Variants in CELF2 observed in about 807,000 individuals in gnomAD.
CELF2 encodes the protein CUG triplet repeat RNA-binding protein 2.
CELF2 carries 8 observed loss-of-function variants against 62.6 expected under a neutral mutation model. That is an observed-to-expected ratio of 0.13 (90% CI 0.07 to 0.23). The LOEUF is 0.23. Ranked by LOEUF, CELF2 falls within the 10% of genes least tolerant of loss-of-function variation. The pLI is 1.00. For synonymous variants in CELF2, 258 were observed against 250.0 expected, an observed-to-expected ratio of 1.03 and a Z score of -0.30; for missense variants, 333 against 671.0, an observed-to-expected ratio of 0.50 and a Z score of 5.56.
the CELF2 span, among the ~76,000 whole-genome samples, chr10:10,605,349 A>T: frequency 1.9e-3 from 283 of 152,322 alleles, 1 homozygote; most frequent in African/African-American, 6.5e-3. Flanking sequence ...TGATGGGTTG[A>T]TATGTGCAGC....
chr10:10,604,789 A>G, the CELF2 span, among the ~76,000 whole-genome samples: 3 of 152,254 alleles, frequency 2.0e-5, no homozygotes, highest in Non-Finnish European at 2.9e-5. Flanking sequence ...CTTAATCCTT[A>G]TATGAAAATT....
chr10:10,704,232 C>T, the CELF2 span, among the ~76,000 whole-genome samples: 1 of 152,148 alleles, frequency 6.6e-6, no homozygotes, highest in Admixed American at 6.5e-5. Context: ...GAAGTTTTAT[C>T]ATAGACTGTT....
At chr10:10,594,091 A>G in the CELF2 span, among the ~76,000 whole-genome samples, 16 of 152,236 alleles carry the variant, frequency 1.1e-4, no homozygotes, top group African/African-American at 3.6e-4. Flanking sequence ...GAGATGATAA[A>G]GACCTGAAAT....
the CELF2 span, among the ~76,000 whole-genome samples, chr10:10,506,929 T>C: frequency 6.6e-6 from 1 of 151,974 alleles, no homozygotes; most frequent in Non-Finnish European, 1.5e-5. Context: ...CCTCCCAAAG[T>C]GCTGAGATTA....
chr10:10,822,115 T>C (rs2057012847), intron 1 of CELF2, among the ~76,000 whole-genome samples: 1 of 152,208 alleles, frequency 6.6e-6, no homozygotes, highest in Non-Finnish European at 1.5e-5. Context: ...AGGTACCACG[T>C]TGTGCTGTGG....
chr10:10,689,990 T>C, the CELF2 span, among the ~76,000 whole-genome samples: 30 of 152,322 alleles, frequency 2.0e-4, no homozygotes, highest in African/African-American at 5.3e-4. Flanking sequence ...TTTCAGAATA[T>C]ACAAGATTGA....
chr10:11,149,597 G>A (rs552083081), intron 1 of CELF2, among the ~76,000 whole-genome samples: 2 of 152,252 alleles, frequency 1.3e-5, no homozygotes, highest in South Asian at 2.1e-4. Flanking sequence ...TGAGGGTGGC[G>A]TCAGGACACA....
chr10:11,226,489 G>A (rs910507019), intron 3 of CELF2, among the ~76,000 whole-genome samples: 4 of 152,182 alleles, frequency 2.6e-5, no homozygotes, highest in African/African-American at 7.2e-5. Flanking sequence ...CCTGCAGCTC[G>A]TCATAGATGT....
chr10:10,929,573 T>C (rs890490223), intron 2 of CELF2: 1 of 152,204 alleles, frequency 6.6e-6, no homozygotes, highest in African/African-American at 2.4e-5. Context: ...CTCCGGCTTG[T>C]GTTAAAAATC....
intron 1 of CELF2, among the ~76,000 whole-genome samples, chr10:10,856,396 C>G (rs1197192643): frequency 6.6e-6 from 1 of 151,996 alleles, no homozygotes; most frequent in Non-Finnish European, 1.5e-5. Context: ...TATGAAGATC[C>G]TCAAATAAAA....
intron 1 of CELF2, among the ~76,000 whole-genome samples, chr10:11,019,899 G>A (rs1203389772): frequency 6.6e-6 from 1 of 152,140 alleles, no homozygotes; most frequent in Non-Finnish European, 1.5e-5. Context: ...GAGGGTCCAG[G>A]CTAAACTGAA....
chr10:10,642,417 C>A, the CELF2 span, among the ~76,000 whole-genome samples: 1 of 152,034 alleles, frequency 6.6e-6, no homozygotes, highest in Non-Finnish European at 1.5e-5. Flanking sequence ...TGGTTGCCTG[C>A]ATTAAACAGT....
the CELF2 span, among the ~76,000 whole-genome samples, chr10:10,513,194 C>A: frequency 1.3e-5 from 2 of 152,046 alleles, no homozygotes; most frequent in Non-Finnish European, 2.9e-5. Context: ...GATTTTTGCC[C>A]CTTTTTTGTT....
At position 11,302,551 on chromosome 10, in the gene CELF2, C is replaced by T. The variant is rs929270247; in HGVS notation, c.977-11588C>T. On this transcript the variant is annotated intron_variant, in intron 9 of 12. Coordinates refer to ENST00000633077, the MANE Select transcript of CELF2 (RefSeq NM_001326342.2). The surrounding 1 kb of genome is among the most constrained non-coding windows in gnomAD (Gnocchi z 5.0). ...CAGACAAGAACTCTGACCAAATGGC[C>T]TGCAGAGCATCCGCAGCCCAGGGCC... Among the ~76,000 whole-genome samples the T allele has an allele frequency of 6.6e-6, 1 of 152,198 alleles. No homozygotes were observed. Among genetic ancestry groups the T allele is most frequent in the South Asian group, 2.1e-4 (1 of 4,828 alleles).
chr10:10,469,228 TA>T, the CELF2 span, among the ~76,000 whole-genome samples: 1 of 151,972 alleles, frequency 6.6e-6, no homozygotes, highest in Non-Finnish European at 1.5e-5. Context: ...AAATTCTTAT[TA>T]GGATTTTCTA....
chr10:11,024,720 C>G (rs929637171), intron 1 of CELF2, among the ~76,000 whole-genome samples: 1 of 152,178 alleles, frequency 6.6e-6, no homozygotes, highest in Non-Finnish European at 1.5e-5. Flanking sequence ...TCCAGTCTCC[C>G]CAGTGCCACA....
chr10:10,589,282 G>A, the CELF2 span, among the ~76,000 whole-genome samples: 1 of 152,210 alleles, frequency 6.6e-6, no homozygotes, highest in African/African-American at 2.4e-5. Context: ...TGGAAGCCAA[G>A]GTTCTATCAT....
intron 1 of CELF2, among the ~76,000 whole-genome samples, chr10:11,151,094 G>C (rs1324912470): frequency 2.0e-5 from 3 of 152,212 alleles, no homozygotes; most frequent in Non-Finnish European, 4.4e-5. Context: ...AAGGCATGCT[G>C]TTTGTAGTCT....
the CELF2 span, among the ~76,000 whole-genome samples, chr10:10,712,514 C>T: frequency 6.6e-6 from 1 of 152,098 alleles, no homozygotes; most frequent in African/African-American, 2.4e-5. Flanking sequence ...TATAGGCCCT[C>T]CTTTCCTACC....
Sources: allele counts gnomAD v4.1 joint callset (sites outside exome capture counted in the v4.1 genomes callset), GRCh38; gene constraint gnomAD v4.1.1; non-coding constraint Gnocchi (gnomAD v3.1); transcripts MANE v1.5; gene names NCBI Gene and HGNC (gene_info 2026-07-23, HGNC 2026-07-21).